DLG5: variants seen among roughly 807,000 people sequenced by gnomAD.
The protein encoded by DLG5 is discs large MAGUK scaffold protein 5.
DLG5 carries 48 observed loss-of-function variants against 189.8 expected under a neutral mutation model. The observed-to-expected ratio is 0.25, with a 90% confidence interval of 0.20 to 0.32. The LOEUF (loss-of-function observed/expected upper bound fraction) is 0.32, where lower values mean the gene tolerates loss of function less well. DLG5 is among the 10% of genes least tolerant of loss of function. DLG5 has a pLI of 1.00. For missense variants in DLG5, 2,160 were observed against 2,544.7 expected (o/e 0.85, Z 3.25); for synonymous variants, 1,016 against 1,054.1 (o/e 0.96, Z 0.70).
intron 13 of DLG5, among the ~76,000 whole-genome samples, chr10:77,825,973 G>A (rs528422946): frequency 6.6e-6 from 1 of 152,242 alleles, no homozygotes; most frequent in Admixed American, 6.5e-5. Context: ...TGGCCATATA[G>A]CTTTTACACT....
chr10:77,936,715 G>T, the DLG5 span, among the ~76,000 whole-genome samples: 1 of 152,168 alleles, frequency 6.6e-6, no homozygotes, highest in African/African-American at 2.4e-5. Context: ...GAAGTTGCTT[G>T]CCCAAAACCA....
At chr10:77,853,603 C>A in intron 4 of DLG5, 66 bp from the exon 5 acceptor site, 1 of 1,415,588 alleles carries the variant, frequency 7.1e-7, no homozygotes, top group Non-Finnish European at 9.4e-7. Context: ...CACCCCAGGG[C>A]ATCACCAGCC....
In DLG5 at chr10:77,812,006, T is replaced by C. The variant is rs1440147817; in HGVS notation, c.4240A>G (p.Ile1414Val). The C allele has an allele frequency of 3.1e-6, 5 of 1,611,238 alleles. No homozygotes were observed. Among genetic ancestry groups the C allele is most frequent in the Non-Finnish European group, 4.2e-6 (5 of 1,180,010 alleles). ...SATEQQARLI[I>V]GQQCDTITIL... ...GTGATGGTATCACACTGCTGCCCGA[T>C]GATGAGCCGCGCCTGCTGCTCCGTG... Residue 1414 changes from isoleucine (I) to valine (V), a missense_variant, in exon 22 of 32, where the codon ATC becomes GTC. Transcript: ENST00000372391.
At chr10:77,842,240 G>T in intron 6 of DLG5, 47 bp from the exon 7 acceptor site, 1 of 1,568,446 alleles carries the variant, frequency 6.4e-7, no homozygotes, top group Non-Finnish European at 8.6e-7. Context: ...GGCCCTGCCC[G>T]GTCAGTGGCC....
At position 77,811,989 on chromosome 10, in the gene DLG5, A is replaced by T; in HGVS notation, c.4257T>A (p.Asp1419Glu). 2 of 1,611,000 alleles carry T rather than the reference A, an allele frequency of 1.2e-6. No homozygotes were observed. The highest frequency in any genetic ancestry group is 3.3e-4 in the Middle Eastern group (2 of 6,042). ...QARLIIGQQC[D>E]TITILAQYNP... Reference sequence around the variant, plus strand: ...TGTACTGGGCCAGGATGGTGATGGTATCACACTGCTGCCCGATGATGAGCC... The same window carrying T: ...TGTACTGGGCCAGGATGGTGATGGTTTCACACTGCTGCCCGATGATGAGCC... The change falls in exon 22 of 32, where the codon GAT becomes GAA. Residue 1419 changes from aspartate (D) to glutamate (E), a missense_variant. Asp to Glu is a conservative substitution (Grantham distance 45). This residue lies in a region of DLG5 where 61 missense variants were observed against 101.0 expected (regional missense o/e 0.60). Coordinates refer to ENST00000372391, the MANE Select transcript of DLG5 (RefSeq NM_004747.4).
At chr10:77,855,016 T>C (rs1227199505) in intron 3 of DLG5, among the ~76,000 whole-genome samples, 1 of 151,850 alleles carries the variant, frequency 6.6e-6, no homozygotes, top group Non-Finnish European at 1.5e-5. Flanking sequence ...AATAAATAAA[T>C]AAATAAAAGT....
At chr10:77,934,053 A>C in the DLG5 span, among the ~76,000 whole-genome samples, 2 of 149,352 alleles carry the variant, frequency 1.3e-5, no homozygotes, top group Non-Finnish European at 1.5e-5. Flanking sequence ...GTCTCCAAAA[A>C]AATAAAAATA....
At chr10:77,910,987 G>GAAAAAAAA (rs55832630) in intron 1 of DLG5, among the ~76,000 whole-genome samples, 7 of 84,250 alleles carry the variant, frequency 8.3e-5, no homozygotes, top group African/African-American at 1.7e-4. Flanking sequence ...CTGTCTGAAG[G>GAAAAAAAA]AAAAAAAAAA....
chr10:77,855,819 C>A (rs1180677975), intron 3 of DLG5, among the ~76,000 whole-genome samples: 2 of 152,148 alleles, frequency 1.3e-5, no homozygotes, highest in Non-Finnish European at 2.9e-5. Context: ...GTGTTTACAC[C>A]AAGCCCCCCT....
At chr10:77,937,748 C>T in the DLG5 span, among the ~76,000 whole-genome samples, 14 of 134,634 alleles carry the variant, frequency 1.0e-4, no homozygotes, top group South Asian at 1.4e-3. Flanking sequence ...GACAGAGTTT[C>T]GCTCTTGTTG....
intron 1 of DLG5, among the ~76,000 whole-genome samples, chr10:77,901,186 G>A (rs189436516): frequency 1.3e-5 from 2 of 151,430 alleles, no homozygotes; most frequent in African/African-American, 2.4e-5. Context: ...TTTCCCAAGC[G>A]CCCACAGCAA....
rs118143651 is a variant in DLG5 at position 77,842,154 on chromosome 10, C to T, written c.1164G>A (p.Ala388=). The T allele has an allele frequency of 7.7e-4, 1,235 of 1,608,250 alleles. 13 individuals carry two copies. The East Asian group carries it at 0.025, about 33-fold the overall frequency. ...TCTCCCACTGCAGGTCCTTGTTCTG[C>T]GCCGTGGCCTTGTTCAGCTCATGGT... ...AIHHELNKAT[A]QNKDLQWEME... The change falls in exon 7 of 32, where the codon GCG becomes GCA. Residue 388 remains alanine, a synonymous_variant. Coordinates refer to ENST00000372391, the MANE Select transcript of DLG5 (RefSeq NM_004747.4).
intron 1 of DLG5, among the ~76,000 whole-genome samples, chr10:77,899,203 C>T (rs1845852306): frequency 6.6e-6 from 1 of 152,196 alleles, no homozygotes; most frequent in African/African-American, 2.4e-5. Context: ...GGCAGCCATC[C>T]AGGCCCTCCC....
intron 17 of DLG5, among the ~76,000 whole-genome samples, chr10:77,818,196 G>A (rs1842159558): frequency 6.6e-6 from 1 of 152,128 alleles, no homozygotes; most frequent in African/African-American, 2.4e-5. Context: ...TGCAACCTGG[G>A]TGGGCCTGGG....
chr10:77,884,801 T>C (rs1845389704), intron 1 of DLG5, among the ~76,000 whole-genome samples: 1 of 152,130 alleles, frequency 6.6e-6, no homozygotes, highest in Non-Finnish European at 1.5e-5. Context: ...GGCCCTCAGA[T>C]GTTCCAAACA....
intron 1 of DLG5, chr10:77,912,545 C>A (rs1846254430): frequency 6.6e-6 from 1 of 151,710 alleles, no homozygotes; most frequent in Non-Finnish European, 1.5e-5. Flanking sequence ...AGCATGCCCA[C>A]AAGAATAATT....
At chr10:77,792,760 C>T (rs1043244352) in intron 31 of DLG5, 9 of 550,940 alleles carry the variant, frequency 1.6e-5, no homozygotes, top group Non-Finnish European at 2.9e-5. Flanking sequence ...CTGCCCACCC[C>T]ACTGCAGTTA....
chr10:77,822,533 AC>A (rs1842423162), intron 14 of DLG5, among the ~76,000 whole-genome samples: 1 of 152,140 alleles, frequency 6.6e-6, no homozygotes, highest in Non-Finnish European at 1.5e-5. Flanking sequence ...AGTCCCAGCT[AC>A]TTGGGAGGCT....
At chr10:77,932,873 G>A in the DLG5 span, among the ~76,000 whole-genome samples, 2 of 152,080 alleles carry the variant, frequency 1.3e-5, no homozygotes, top group Non-Finnish European at 2.9e-5. Flanking sequence ...GGTGACTGAG[G>A]AGGAGGATTA....
Sources: allele counts gnomAD v4.1 joint callset (sites outside exome capture counted in the v4.1 genomes callset), GRCh38; gene constraint gnomAD v4.1.1; regional missense constraint gnomAD v4.1.1; transcripts MANE v1.5; gene names NCBI Gene and HGNC (gene_info 2026-07-23, HGNC 2026-07-21).